Variants in RAB30 observed in about 807,000 individuals in gnomAD.
The protein encoded by RAB30 is ras-related protein Rab-30.
A neutral mutation model predicts 25.1 loss-of-function variants in RAB30; 9 were observed. The observed-to-expected ratio is 0.36, with a 90% CI of 0.22 to 0.63. The LOEUF is 0.63. Ranked by LOEUF, RAB30 falls within the 20% of genes least tolerant of loss-of-function variation. The pLI is 0.69. For synonymous variants in RAB30, 77 were observed against 86.4 expected (o/e 0.89, Z 0.60); for missense variants, 140 against 243.5 (o/e 0.58, Z 2.83).
At chr11:83,032,813 C>T (rs912143026) in intron 1 of RAB30, among the ~76,000 whole-genome samples, 6 of 152,098 alleles carry the variant, frequency 3.9e-5, no homozygotes, top group African/African-American at 9.6e-5. Context: ...TAAATAGGAA[C>T]CTTAATCATG....
chr11:83,014,634 A>AAAAAGAAAG (rs1555035113), intron 1 of RAB30, among the ~76,000 whole-genome samples: 1 of 112,616 alleles, frequency 8.9e-6, no homozygotes, highest in African/African-American at 3.4e-5. Flanking sequence ...AGAAGTAAGA[A>AAAAAGAAAG]AAAGAAAGAA....
chr11:83,028,873 C>T (rs1218782050), intron 1 of RAB30, among the ~76,000 whole-genome samples: 1 of 152,116 alleles, frequency 6.6e-6, no homozygotes, highest in Non-Finnish European at 1.5e-5. Context: ...CCTATCTCCA[C>T]AAAAAGTGAA....
At chr11:83,045,980 T>C (rs79278140) in intron 1 of RAB30, among the ~76,000 whole-genome samples, 2,783 of 152,302 alleles carry the variant, frequency 0.018, 71 homozygotes, top group East Asian at 0.096. Context: ...AAAGGCTCTA[T>C]GATTGATCTT....
chr11:83,040,659 A>T (rs1300741137), intron 1 of RAB30: 1 of 152,180 alleles, frequency 6.6e-6, no homozygotes, highest in African/African-American at 2.4e-5. Flanking sequence ...TTCTTGGATC[A>T]CTCCTAACTT....
intron 1 of RAB30, among the ~76,000 whole-genome samples, chr11:83,058,943 G>A (rs528123620): frequency 6.6e-6 from 1 of 152,234 alleles, no homozygotes; most frequent in Non-Finnish European, 1.5e-5. Flanking sequence ...GGCTAAAGCA[G>A]CCTTCTCTAA....
intron 2 of RAB30, among the ~76,000 whole-genome samples, chr11:82,994,342 G>A (rs995418150): frequency 1.3e-5 from 2 of 152,244 alleles, no homozygotes; most frequent in South Asian, 2.1e-4. Context: ...GAGAAATGCT[G>A]AAAGAAGAGG....
chr11:83,024,039 C>G (rs1308565233), intron 1 of RAB30, among the ~76,000 whole-genome samples: 1 of 152,186 alleles, frequency 6.6e-6, no homozygotes, highest in Non-Finnish European at 1.5e-5. Context: ...TACTCCATAT[C>G]CCGGGGCCTC....
At chr11:83,026,172 C>T (rs1056207458) in intron 1 of RAB30, among the ~76,000 whole-genome samples, 1 of 152,034 alleles carries the variant, frequency 6.6e-6, no homozygotes, top group Non-Finnish European at 1.5e-5. Flanking sequence ...ACCTAGGCTA[C>T]ACAGCAAGAC....
chr11:82,987,526 T>C (rs767997835), intron 4 of RAB30, 61 bp downstream of exon 4: 15 of 1,480,694 alleles, frequency 1.0e-5, no homozygotes, highest in Admixed American at 1.9e-5. Flanking sequence ...ATAAGCTTTA[T>C]GTGATTATAA....
At chr11:83,004,791 A>C (rs1425140821) in intron 1 of RAB30, among the ~76,000 whole-genome samples, 1 of 152,024 alleles carries the variant, frequency 6.6e-6, no homozygotes, top group Non-Finnish European at 1.5e-5. Flanking sequence ...ACTGTACCTC[A>C]ACAAGACACC....
In RAB30 at chr11:82,977,760, A is replaced by G. The variant is rs1433317652; in HGVS notation, c.*4405T>C. 4 of 152,182 alleles carry G rather than the reference A, an allele frequency of 2.6e-5. No homozygotes were observed. The East Asian group carries it at 5.8e-4, about 22-fold the overall frequency. The allele number at this position is 152,182 out of a possible 1,614,324, so 9.4% of individuals were successfully genotyped here. A position where few individuals can be genotyped will look rare whatever the true frequency, so the allele number is the denominator to read the frequency against. Reference sequence around the variant, plus strand: ...CCTTCATCAGACTGGTAATGCCTCAATTTGTTTTTAATTTCAAAGTATGGC... The same window carrying G: ...CCTTCATCAGACTGGTAATGCCTCAGTTTGTTTTTAATTTCAAAGTATGGC... On this transcript the variant is annotated 3_prime_UTR_variant, in exon 5 of 5. Coordinates refer to ENST00000527633, the MANE Select transcript of RAB30 (RefSeq NM_001286060.2).
At chr11:82,993,919 T>TG (rs1417465994) in intron 3 of RAB30, 120 bp downstream of exon 3, 1 of 759,482 alleles carries the variant, frequency 1.3e-6, no homozygotes, top group Non-Finnish European at 2.2e-6. Flanking sequence ...CCATTATGGC[T>TG]GAGTGCATTG....
At chr11:83,058,679 G>A (rs957638324) in intron 1 of RAB30, among the ~76,000 whole-genome samples, 1 of 152,206 alleles carries the variant, frequency 6.6e-6, no homozygotes, top group African/African-American at 2.4e-5. Flanking sequence ...TTTCTCCACT[G>A]TGAAGTTACT....
intron 1 of RAB30, among the ~76,000 whole-genome samples, chr11:83,042,586 T>C (rs548295364): frequency 3.9e-5 from 6 of 152,140 alleles, no homozygotes; most frequent in South Asian, 2.1e-4. Flanking sequence ...CCCACAAATC[T>C]TTCTCTAGGA....
At chr11:83,058,385 T>C (rs1359177356) in intron 1 of RAB30, among the ~76,000 whole-genome samples, 2 of 152,250 alleles carry the variant, frequency 1.3e-5, no homozygotes, top group African/African-American at 4.8e-5. Flanking sequence ...CAGGATCATA[T>C]GTTACATTTA....
Position 82,997,343 on chromosome 11 carries a change from C to T in RAB30, c.-8-19G>A. On this transcript the variant is annotated intron_variant, in intron 1 of 4. Coordinates refer to ENST00000527633, the MANE Select transcript of RAB30 (RefSeq NM_001286060.2). ...TACACAGCTGCAAGGCAAACACAGG[C>T]AAAAGTGAGAAAGGCCCAGTCAGAC... 1.3e-6 allele frequency: 2 copies of T among 1,543,392 alleles called. No individual in the cohort carries two copies. The highest frequency in any genetic ancestry group is 2.2e-5 in the South Asian group (2 of 89,418).
intron 1 of RAB30, among the ~76,000 whole-genome samples, chr11:83,007,668 G>A (rs1590848545): frequency 6.6e-6 from 1 of 152,312 alleles, no homozygotes; most frequent in Admixed American, 6.5e-5. Context: ...GAGAAGGGAA[G>A]AGGCCACCGC....
intron 1 of RAB30, among the ~76,000 whole-genome samples, chr11:83,004,881 G>T (rs1464893514): frequency 1.3e-5 from 2 of 152,006 alleles, no homozygotes; most frequent in East Asian, 3.9e-4. Flanking sequence ...CGCCTAACAA[G>T]GTTCTGTCCC....
intron 1 of RAB30, among the ~76,000 whole-genome samples, chr11:83,037,446 CG>C (rs1443251875): frequency 2.0e-5 from 3 of 152,076 alleles, no homozygotes; most frequent in African/African-American, 7.2e-5. Flanking sequence ...GACAGGGTTT[CG>C]CCATGTTGGC....
Sources: allele counts gnomAD v4.1 joint callset (sites outside exome capture counted in the v4.1 genomes callset), GRCh38; gene constraint gnomAD v4.1.1; transcripts MANE v1.5; gene names NCBI Gene and HGNC (gene_info 2026-07-23, HGNC 2026-07-21).